Variants in LY75 observed in about 807,000 individuals in gnomAD.
The protein encoded by LY75 is lymphocyte antigen 75.
In LY75, 185 loss-of-function variants were observed where a neutral mutation model predicts 231.7. The observed-to-expected ratio is 0.80, with a 90% CI of 0.71 to 0.90. LY75 has a LOEUF of 0.90. Among genes scored for constraint, LY75 ranks in the 40% least tolerant of loss-of-function variants. The pLI is 0.00. For synonymous variants in LY75, 668 were observed against 689.0 expected (o/e 0.97, Z 0.48); for missense variants, 1,947 against 2,050.2 (o/e 0.95, Z 0.97).
In LY75 at chr2:159,904,711, G is replaced by C. The variant is rs1323866670; in HGVS notation, c.-29C>G. The C allele has an allele frequency of 1.4e-6, 2 of 1,396,866 alleles. No homozygotes were observed. Among genetic ancestry groups the C allele is most frequent in the Non-Finnish European group, 1.8e-6 (2 of 1,083,090 alleles). The allele number at this position is 1,396,866 out of a possible 1,614,324, so 86.5% of individuals were successfully genotyped here. On this transcript the variant is annotated 5_prime_UTR_variant, in exon 1 of 35. Coordinates refer to ENST00000263636, the MANE Select transcript of LY75 (RefSeq NM_002349.4). Reference sequence around the variant, plus strand: ...GAGCTGGCGCAAGCCTTCCGGCCGGGTCCTCGGGCGCACGCGGCTCCCGCC... The same window carrying C: ...GAGCTGGCGCAAGCCTTCCGGCCGGCTCCTCGGGCGCACGCGGCTCCCGCC...
At chr2:159,889,725 A>G (rs1240149299) in intron 4 of LY75, among the ~76,000 whole-genome samples, 1 of 152,184 alleles carries the variant, frequency 6.6e-6, no homozygotes, top group Non-Finnish European at 1.5e-5. Flanking sequence ...CAAACAAAAC[A>G]AAACAAAGTC....
intron 1 of LY75, among the ~76,000 whole-genome samples, chr2:159,899,565 A>G (rs1686011082): frequency 6.6e-6 from 1 of 152,208 alleles, no homozygotes; most frequent in Non-Finnish European, 1.5e-5. Flanking sequence ...TTATTACATG[A>G]AAAGTCGATG....
At chr2:159,842,131 G>A in intron 24 of LY75, 114 bp downstream of exon 24, 2 of 1,305,688 alleles carry the variant, frequency 1.5e-6, no homozygotes, top group Non-Finnish European at 2.0e-6. Context: ...TACCCAATAG[G>A]TAATTTTTCA....
At chr2:159,849,067 C>A (rs528651532) in intron 23 of LY75, among the ~76,000 whole-genome samples, 4 of 152,156 alleles carry the variant, frequency 2.6e-5, no homozygotes, top group African/African-American at 9.6e-5. Flanking sequence ...TTCATTGCTG[C>A]GTTTACTCTA....
In LY75 at chr2:159,854,396, A is replaced by G. The variant is rs757527434; in HGVS notation, c.2559T>C (p.Phe853=). ...NHSFLATITS[F]VGLKAIKNKI... is the part of the protein sequence containing the mutation. ...TGTTTTTGATGGCTTTTAGTCCCAC[A>G]AAAGATGTTATAGTTGCAAGAAAGC... Residue 853 remains phenylalanine (F), a synonymous_variant, in exon 18 of 35, where the codon TTT becomes TTC. Coordinates refer to ENST00000263636, the MANE Select transcript of LY75 (RefSeq NM_002349.4). The G allele has an allele frequency of 1.3e-6, 2 of 1,524,212 alleles. No homozygotes were observed. Among genetic ancestry groups the G allele is most frequent in the Non-Finnish European group, 1.8e-6 (2 of 1,127,794 alleles). 94.4% of individuals were successfully genotyped at this position (1,524,212 alleles called of 1,614,324 possible). A position where few individuals can be genotyped will look rare whatever the true frequency, so the allele number is the denominator to read the frequency against.
intron 28 of LY75, among the ~76,000 whole-genome samples, chr2:159,829,304 T>G (rs1683577976): frequency 6.6e-6 from 1 of 152,206 alleles, no homozygotes; most frequent in Non-Finnish European, 1.5e-5. Flanking sequence ...TCCTCTTCCC[T>G]TCTCCTAAAC....
At position 159,817,014 on chromosome 2, in the gene LY75, T is replaced by C; in HGVS notation, c.4172A>G (p.Tyr1391Cys). The C allele has an allele frequency of 1.9e-6, 3 of 1,610,902 alleles. No individual in the cohort carries two copies. The highest frequency in any genetic ancestry group is 2.5e-6 in the Non-Finnish European group (3 of 1,178,568). The change falls in exon 30 of 35, where the codon TAT (tyrosine) becomes TGT (cysteine). Residue 1391 changes from tyrosine to cysteine, a missense_variant. By Grantham distance (194) the Tyr-to-Cys change is radical. Coordinates refer to ENST00000263636, the MANE Select transcript of LY75 (RefSeq NM_002349.4). ...KIEMVDYKEE[Y>C]NTTLPQFMPY... ...CATAAACTGTGGCAGTGTAGTATTA[T>C]ATTCTTCTTTGTAGTCAACTATAAT...
intron 12 of LY75, 34 bp from the exon 13 acceptor site, chr2:159,872,627 T>C: frequency 1.9e-6 from 3 of 1,598,156 alleles, no homozygotes; most frequent in Non-Finnish European, 2.6e-6. Flanking sequence ...TGTTTTATGG[T>C]ATTATCATAA....
At chr2:159,833,996 C>G in intron 27 of LY75, 48 bp downstream of exon 27, 2 of 1,571,700 alleles carry the variant, frequency 1.3e-6, no homozygotes, top group Non-Finnish European at 1.7e-6. Context: ...TACCTAGCCT[C>G]GGGTATGTCC....
At chr2:159,821,477 G>C (rs112875747) in intron 28 of LY75, among the ~76,000 whole-genome samples, 1 of 151,554 alleles carries the variant, frequency 6.6e-6, no homozygotes, top group Non-Finnish European at 1.5e-5. Context: ...TTAGCTGGGC[G>C]TGGTGGCGGT....
chr2:159,827,562 G>A (rs1467304860), intron 28 of LY75, among the ~76,000 whole-genome samples: 1 of 152,176 alleles, frequency 6.6e-6, no homozygotes, highest in African/African-American at 2.4e-5. Flanking sequence ...ATTCCTTAAG[G>A]ATCTAGAACT....
chr2:159,873,147 AAAG>A (rs996259410), intron 12 of LY75, among the ~76,000 whole-genome samples: 3 of 85,660 alleles, frequency 3.5e-5, no homozygotes, highest in East Asian at 4.2e-4. Flanking sequence ...AAAGAAGAAG[AAAG>A]AAGAAAGAAG....
At chr2:159,831,226 G>A (rs775394769) in intron 28 of LY75, among the ~76,000 whole-genome samples, 5 of 152,054 alleles carry the variant, frequency 3.3e-5, no homozygotes, top group Non-Finnish European at 7.4e-5. Context: ...GTTCTAATGA[G>A]TTCTGGTTGT....
intron 10 of LY75, 59 bp downstream of exon 10, chr2:159,878,574 G>A: frequency 1.2e-6 from 2 of 1,612,534 alleles, no homozygotes; most frequent in Non-Finnish European, 1.7e-6. Flanking sequence ...TAGGAAGACT[G>A]TTTGGCAAAA....
intron 31 of LY75, chr2:159,813,997 CTTTCT>C (rs1232112991): frequency 6.6e-6 from 1 of 152,186 alleles, no homozygotes; most frequent in African/African-American, 2.4e-5. Context: ...ATCATTCTCC[CTTTCT>C]TTTATTAACC....
At chr2:159,820,994 G>A (rs12052733) in intron 28 of LY75, among the ~76,000 whole-genome samples, 121,631 of 152,060 alleles carry the variant, frequency 0.8, 48,806 homozygotes, top group East Asian at 0.9. Context: ...GCCCACCACC[G>A]CGGCTGGCTA....
rs890365120 is a variant in LY75, at chr2:159,886,487, C to G, written c.846G>C (p.Gln282His). 3 of 1,610,364 alleles carry G rather than the reference C, an allele frequency of 1.9e-6. No homozygotes were observed. The highest frequency in any genetic ancestry group is 1.7e-4 in the Middle Eastern group (1 of 6,030). Residue 282 changes from glutamine to histidine, a missense_variant, in exon 5 of 35, where the codon CAG (glutamine) becomes CAC (histidine). By Grantham distance (24) the Gln-to-His change is conservative. Coordinates refer to ENST00000263636, the MANE Select transcript of LY75 (RefSeq NM_002349.4). Reference sequence around the variant, plus strand: ...ATTCCCAGCCTCTAGCAGAGTATAGCTGATTTAAACCAATCCAGAAAATCT... The same window carrying G: ...ATTCCCAGCCTCTAGCAGAGTATAGGTGATTTAAACCAATCCAGAAAATCT... ...IAKIFWIGLN[Q>H]LYSARGWEWS...
intron 25 of LY75, among the ~76,000 whole-genome samples, chr2:159,836,860 C>T (rs1683847773): frequency 6.6e-6 from 1 of 152,244 alleles, no homozygotes; most frequent in Non-Finnish European, 1.5e-5. Flanking sequence ...CTGCACTCCC[C>T]ACCTAACCCT....
intron 16 of LY75, 107 bp from the exon 17 acceptor site, chr2:159,855,046 C>T (rs1684509737): frequency 2.2e-6 from 3 of 1,393,452 alleles, no homozygotes; most frequent in Non-Finnish European, 3.0e-6. Context: ...ATTGTTGAGT[C>T]TTGTCCATTT....
Sources: allele counts gnomAD v4.1 joint callset (sites outside exome capture counted in the v4.1 genomes callset), GRCh38; gene constraint gnomAD v4.1.1; transcripts MANE v1.5; gene names NCBI Gene and HGNC (gene_info 2026-07-23, HGNC 2026-07-21).